The following DICER1 variants were observed in gnomAD, a reference collection of about 807,000 sequenced individuals.
DICER1 encodes endoribonuclease Dicer.
DICER1 carries 43 observed loss-of-function variants against 194.1 expected under a neutral mutation model. The observed-to-expected ratio is 0.22, with a 90% CI of 0.17 to 0.29. The LOEUF is 0.29. Among genes scored for constraint, DICER1 ranks in the 10% least tolerant of loss-of-function variants. The pLI is 1.00. For synonymous variants in DICER1, 832 were observed against 820.5 expected, an observed-to-expected ratio of 1.01 and a Z score of -0.24; for missense variants, 1,608 against 2,317.0, an observed-to-expected ratio of 0.69 and a Z score of 6.28.
intron 1 of DICER1, among the ~76,000 whole-genome samples, chr14:95,145,867 A>C (rs537651087): frequency 3.9e-5 from 6 of 152,286 alleles, no homozygotes; most frequent in African/African-American, 1.4e-4. Flanking sequence ...TTCGCTGCAC[A>C]TTAACCTAGT....
At chr14:95,149,385 T>C (rs1417426245) in intron 1 of DICER1, among the ~76,000 whole-genome samples, 2 of 152,184 alleles carry the variant, frequency 1.3e-5, no homozygotes, top group African/African-American at 4.8e-5. Flanking sequence ...TCATGTTATC[T>C]GCCTTTCCCG....
At chr14:95,127,237 A>T (rs945843086) in intron 6 of DICER1, among the ~76,000 whole-genome samples, 2 of 152,218 alleles carry the variant, frequency 1.3e-5, no homozygotes, top group Non-Finnish European at 2.9e-5. Context: ...ATTTCTAAAA[A>T]ACTCACTACA....
At chr14:95,133,239 A>C in intron 2 of DICER1, 76 bp downstream of exon 2, 1 of 1,513,716 alleles carries the variant, frequency 6.6e-7, no homozygotes, top group Non-Finnish European at 9.2e-7. Flanking sequence ...TGAGTTTTAT[A>C]TAAGTTGTGT....
chr14:95,146,760 C>A (rs10141138), intron 1 of DICER1, among the ~76,000 whole-genome samples: 1 of 152,048 alleles, frequency 6.6e-6, no homozygotes, highest in Non-Finnish European at 1.5e-5. Context: ...GGCCCGGACA[C>A]GGGGGTCACC....
At chr14:95,156,802 G>A (rs982729296) in intron 1 of DICER1, among the ~76,000 whole-genome samples, 16 of 152,120 alleles carry the variant, frequency 1.1e-4, no homozygotes, top group Non-Finnish European at 2.4e-4. Context: ...GGCCCCATCA[G>A]AGGAGGGCCC....
intron 1 of DICER1, among the ~76,000 whole-genome samples, chr14:95,152,027 G>C (rs1367874639): frequency 1.3e-5 from 2 of 152,132 alleles, no homozygotes; most frequent in African/African-American, 4.8e-5. Context: ...AGTACAACCG[G>C]TTTGTTTTCT....
chr14:95,094,843 T>TA (rs1890165060), intron 23 of DICER1, among the ~76,000 whole-genome samples: 1 of 152,172 alleles, frequency 6.6e-6, no homozygotes, highest in Non-Finnish European at 1.5e-5. Context: ...GTGATTAAAA[T>TA]AATATATCCA....
chr14:95,138,315 A>G (rs1894565131), intron 1 of DICER1, among the ~76,000 whole-genome samples: 1 of 151,768 alleles, frequency 6.6e-6, no homozygotes, highest in Non-Finnish European at 1.5e-5. Flanking sequence ...AATCAATCTG[A>G]GAAAAAAAGT....
intron 21 of DICER1, among the ~76,000 whole-genome samples, chr14:95,101,723 C>T (rs1890894149): frequency 6.6e-6 from 1 of 152,198 alleles, no homozygotes; most frequent in African/African-American, 2.4e-5. Flanking sequence ...CCTGACTCTC[C>T]CAGATGAACA....
At position 95,099,895 on chromosome 14, in the gene DICER1, C is replaced by G. The variant is rs1467554488; in HGVS notation, c.4091G>C (p.Gly1364Ala). The change falls in exon 22 of 27, where the codon GGA (glycine) becomes GCA (alanine). Residue 1364 changes from glycine to alanine, a missense_variant. By Grantham distance (60) the Gly-to-Ala change is moderately conservative. Around this residue, in one of 10 missense-constraint regions of DICER1, gnomAD observed 58 missense variants for 125.7 expected, o/e 0.46. Coordinates refer to ENST00000343455, the MANE Select transcript of DICER1 (RefSeq NM_177438.3). ...CNLYRLGKKK[G>A]LPSRMVVSIF... ...TGACACCACCATGCGGCTGGGTAGT[C>G]CCTTCTTTTTTCCAAGGCGATACAG... 3.7e-6 allele frequency: 6 copies of G among 1,613,850 alleles called. No individual in the cohort carries two copies. The highest frequency in any genetic ancestry group is 5.1e-6 in the Non-Finnish European group (6 of 1,179,966).
intron 22 of DICER1, among the ~76,000 whole-genome samples, chr14:95,097,219 G>A (rs1890434631): frequency 6.6e-6 from 1 of 152,124 alleles, no homozygotes; most frequent in Non-Finnish European, 1.5e-5. Context: ...TATAAAAACA[G>A]ATAAAATCAT....
chr14:95,123,865 T>C (rs1893150782), intron 8 of DICER1, among the ~76,000 whole-genome samples: 1 of 152,218 alleles, frequency 6.6e-6, no homozygotes, highest in African/African-American at 2.4e-5. Flanking sequence ...GATTAATAAA[T>C]ATCTGAATTG....
intron 8 of DICER1, among the ~76,000 whole-genome samples, chr14:95,122,921 T>TGCGCGTGCGTGTACGCGC (rs1297238309): frequency 2.0e-5 from 3 of 151,102 alleles, no homozygotes; most frequent in African/African-American, 7.3e-5. Context: ...TAAGCGCGTG[T>TGCGCGTGCGTGTACGCGC]GCGCGTGCGT....
At position 95,088,072 on chromosome 14, in the gene DICER1, G is replaced by A. The variant is rs1359682514; in HGVS notation, c.*2426C>T. 8.6e-6 allele frequency: 2 copies of A among 232,840 alleles called. No homozygotes were observed. Among genetic ancestry groups the A allele is most frequent in the African/African-American group, 2.2e-5 (1 of 45,276 alleles). 14.4% of individuals were successfully genotyped at this position (232,840 alleles called of 1,614,324 possible). A position where few individuals can be genotyped will look rare whatever the true frequency, so the allele number is the denominator to read the frequency against. On this transcript the variant is annotated 3_prime_UTR_variant, in exon 27 of 27. Transcript: ENST00000343455. Reference sequence around the variant, plus strand: ...TTTTTATTTTTTAACTCAGTAACCAGGGGATCACAGAATGCTTCAAACTGT... The same window carrying A: ...TTTTTATTTTTTAACTCAGTAACCAAGGGATCACAGAATGCTTCAAACTGT...
rs771513093 is a variant in DICER1, at chr14:95,106,239, A to C, written c.2805-16T>G. The C allele has an allele frequency of 6.3e-7, 1 of 1,598,880 alleles. No individual in the cohort carries two copies. Among genetic ancestry groups the C allele is most frequent in the African/African-American group, 1.3e-5 (1 of 74,650 alleles). ...ATTGCGATATCTAAAAAAGAAAAAC[A>C]AAAAAACAATCAGTTGCTTTTTGAT... On this transcript the variant is annotated splice_polypyrimidine_tract_variant and intron_variant, in intron 17 of 26. Coordinates refer to ENST00000343455, the MANE Select transcript of DICER1 (RefSeq NM_177438.3).
At chr14:95,110,767 G>T (rs1891886059) in intron 14 of DICER1, among the ~76,000 whole-genome samples, 1 of 152,180 alleles carries the variant, frequency 6.6e-6, no homozygotes, top group Admixed American at 6.5e-5. Context: ...ATGCTTTCAT[G>T]TGTGAACTCT....
Position 95,096,125 on chromosome 14 carries a change from G to T in DICER1, c.4795C>A (p.Arg1599=), listed in dbSNP as rs587778230. ...KVLPVIKRTD[R]EKALCPTREN... The stretch of plus-strand genomic sequence containing the variant: ...CGAGTAGGGCACAGGGCCTTTTCCC[G>T]ATCAGTCCTTTTAATTACCGGGAGC... The change falls in exon 23 of 27, where the codon CGG becomes AGG. Residue 1599 remains arginine, a synonymous_variant. Coordinates refer to ENST00000343455, the MANE Select transcript of DICER1 (RefSeq NM_177438.3). 1 of 1,614,054 alleles carries T rather than the reference G, an allele frequency of 6.2e-7. No individual in the cohort carries two copies. Among genetic ancestry groups the T allele is most frequent in the Non-Finnish European group, 8.5e-7 (1 of 1,180,044 alleles).
rs971226352 is a variant in DICER1 at position 95,124,059 on chromosome 14, G to GT, written c.1376+136dup. The GT allele has an allele frequency of 2.1e-5, 14 of 677,286 alleles. No homozygotes were observed. Among genetic ancestry groups the GT allele is most frequent in the Admixed American group, 9.3e-5 (4 of 43,158 alleles). 42.0% of individuals were successfully genotyped at this position (677,286 alleles called of 1,614,324 possible). A position where few individuals can be genotyped will look rare whatever the true frequency, so the allele number is the denominator to read the frequency against. Reference sequence around the variant, plus strand: ...TCTGTCAATCCCAGGACAGCATGACGTATCAGCAATGATGGCGCCAAGTCA... The same window carrying GT: ...TCTGTCAATCCCAGGACAGCATGACGTTATCAGCAATGATGGCGCCAAGTCA... On this transcript the variant is annotated intron_variant, in intron 8 of 26. Coordinates refer to ENST00000343455, the MANE Select transcript of DICER1 (RefSeq NM_177438.3). The surrounding 1 kb of genome is among the most constrained non-coding windows in gnomAD (Gnocchi z 4.5).
At chr14:95,107,841 T>C (rs775968377) in intron 16 of DICER1, 39 bp downstream of exon 16, 2 of 1,608,048 alleles carry the variant, frequency 1.2e-6, no homozygotes, top group East Asian at 2.2e-5. Flanking sequence ...TGTTTGTATA[T>C]GTGTCTAGAG....
Sources: gnomAD v4.1 joint callset for allele counts (sites outside exome capture counted in the v4.1 genomes callset) on GRCh38, gnomAD v4.1.1 for gene constraint, gnomAD v4.1.1 regional missense constraint, Gnocchi (gnomAD v3.1) non-coding constraint, MANE v1.5 for transcripts, NCBI Gene and HGNC (gene_info 2026-07-23, HGNC 2026-07-21) for gene names.